The following ZNF514 variants were observed in gnomAD, a reference collection of about 807,000 sequenced individuals.
The protein encoded by ZNF514 is zinc finger protein 514.
A neutral mutation model predicts 9.7 loss-of-function variants in ZNF514; 12 were observed. The observed-to-expected ratio is 1.24, with a 90% CI of 0.79 to 2.01. The LOEUF (loss-of-function observed/expected upper bound fraction) is 2.01. Among genes scored for constraint, ZNF514 ranks in the 30% most tolerant of loss-of-function variants. The pLI, the probability that ZNF514 is intolerant of heterozygous loss-of-function variation, is 0.00. For synonymous variants in ZNF514, 158 were observed against 163.7 expected, an observed-to-expected ratio of 0.97 and a Z score of 0.27; for missense variants, 467 against 465.5, an observed-to-expected ratio of 1.00 and a Z score of -0.03.
At chr2:95,156,337 C>T (rs956107904) in intron 2 of ZNF514, among the ~76,000 whole-genome samples, 6 of 152,176 alleles carry the variant, frequency 3.9e-5, no homozygotes, top group African/African-American at 1.4e-4. Context: ...TCCCTGATGC[C>T]AACAAGGATT....
At position 95,146,016 on chromosome 2, in the gene ZNF514, T is replaced by C. The variant is rs1278415707; in HGVS notation, c.*3266A>G. Among the ~76,000 whole-genome samples, 2 of 152,212 alleles carry C rather than the reference T, an allele frequency of 1.3e-5. No homozygotes were observed. Among genetic ancestry groups the C allele is most frequent in the Non-Finnish European group, 2.9e-5 (2 of 68,030 alleles). The stretch of plus-strand genomic sequence containing the variant: ...AGACTTGTTTCTTATCAGACTTAAA[T>C]CTATTTTGGCGTAAAACACTTTGAT... On this transcript the variant is annotated 3_prime_UTR_variant, in exon 5 of 5. Transcript: ENST00000295208.
the ZNF514 span, among the ~76,000 whole-genome samples, chr2:95,132,474 T>G: frequency 6.6e-6 from 1 of 152,120 alleles, no homozygotes; most frequent in Non-Finnish European, 1.5e-5. Flanking sequence ...GCCAACACCA[T>G]AAACTGATGA....
chr2:95,125,611 A>G, the ZNF514 span, among the ~76,000 whole-genome samples: 1 of 152,208 alleles, frequency 6.6e-6, no homozygotes, highest in Non-Finnish European at 1.5e-5. Context: ...CATCACCACC[A>G]TCTATCCACA....
chr2:95,149,491 T>C lies in ZNF514; in HGVS notation c.994A>G (p.Ile332Val). 6.2e-7 allele frequency: 1 copy of C among 1,613,994 alleles called. No homozygotes were observed. The highest frequency in any genetic ancestry group is 8.5e-7 in the Non-Finnish European group (1 of 1,179,970). The change falls in exon 5 of 5, where the codon ATT becomes GTT. Residue 332 changes from isoleucine to valine, a missense_variant. Transcript: ENST00000295208. ...GRTFSQSSSL[I>V]VHYRFHTGEK... Reference sequence around the variant, plus strand: ...CCAGTATGAAATCTGTAATGCACAATGAGTGATGAGCTCTGGCTGAAGGTT... The same window carrying C: ...CCAGTATGAAATCTGTAATGCACAACGAGTGATGAGCTCTGGCTGAAGGTT...
chr2:95,146,105 G>A lies in ZNF514; in HGVS notation c.*3177C>T, dbSNP rs1673351717. ...AGAGTCTGTTTTTGTTAGTCTTAAG[G>A]TCTCTGTTTTAAGGCAAATGCTGGT... is the stretch of plus-strand genomic sequence containing the variant. On this transcript the variant is annotated 3_prime_UTR_variant, in exon 5 of 5. Coordinates refer to ENST00000295208, the MANE Select transcript of ZNF514 (RefSeq NM_032788.3). 6.6e-6 allele frequency among the ~76,000 whole-genome samples: 1 copy of A among 152,152 alleles called. No homozygotes were observed. Among genetic ancestry groups the A allele is most frequent in the South Asian group, 2.1e-4 (1 of 4,828 alleles).
At position 95,159,562 on chromosome 2, in the gene ZNF514, G is replaced by A. The variant is rs868329954; in HGVS notation, c.-418C>T. ...CCCAGTACAGGTCTGCGCGCCCGCA[G>A]TCTCCGAACGCTCACAGGACCAGGC... On this transcript the variant is annotated 5_prime_UTR_variant, in exon 1 of 5. Transcript: ENST00000295208. 20 of 151,648 alleles carry A rather than the reference G, an allele frequency of 1.3e-4. No individual in the cohort carries two copies. In the East Asian group the frequency reaches 2.2e-3, roughly 16 times the overall value. 9.4% of individuals were successfully genotyped at this position (151,648 alleles called of 1,614,324 possible).
chr2:95,133,059 A>C, the ZNF514 span, among the ~76,000 whole-genome samples: 2 of 152,162 alleles, frequency 1.3e-5, no homozygotes, highest in African/African-American at 4.8e-5. Flanking sequence ...CAATGGGTGA[A>C]TGGTTAAACG....
intron 2 of ZNF514, chr2:95,155,175 T>A (rs952974679): frequency 2.0e-5 from 3 of 152,222 alleles, no homozygotes; most frequent in African/African-American, 7.2e-5. Flanking sequence ...AAAAGCTGCT[T>A]TGCCCCCAAG....
intron 4 of ZNF514, among the ~76,000 whole-genome samples, chr2:95,151,318 C>T (rs1005252090): frequency 3.3e-5 from 5 of 152,122 alleles, no homozygotes; most frequent in Non-Finnish European, 7.3e-5. Context: ...TGAAGATGGA[C>T]GAGGGGCACT....
At chr2:95,150,388 G>A (rs1673505633) in intron 4 of ZNF514, 121 bp from the exon 5 acceptor site, 5 of 1,132,944 alleles carry the variant, frequency 4.4e-6, no homozygotes, top group Non-Finnish European at 4.8e-6. Context: ...CACCTAAAAG[G>A]GACGTACAGA....
At chr2:95,138,603 TA>T in the ZNF514 span, among the ~76,000 whole-genome samples, 1 of 152,210 alleles carries the variant, frequency 6.6e-6, no homozygotes, top group Non-Finnish European at 1.5e-5. Context: ...TTGCTTCTAA[TA>T]ACCTACGCTC....
chr2:95,138,826 G>GA, the ZNF514 span, among the ~76,000 whole-genome samples: 1 of 152,186 alleles, frequency 6.6e-6, no homozygotes, highest in African/African-American at 2.4e-5. Context: ...AAGACAATGG[G>GA]AAAAAAGCCT....
intron 1 of ZNF514, among the ~76,000 whole-genome samples, chr2:95,158,607 C>G (rs1191840991): frequency 6.6e-6 from 1 of 152,206 alleles, no homozygotes; most frequent in African/African-American, 2.4e-5. Context: ...CCAAATGGCC[C>G]TATCGTCCTC....
At position 95,146,740 on chromosome 2, in the gene ZNF514, G is replaced by C. The variant is rs542296203; in HGVS notation, c.*2542C>G. Among the ~76,000 whole-genome samples the C allele has an allele frequency of 1.3e-5, 2 of 151,700 alleles. No individual in the cohort carries two copies. The highest frequency in any genetic ancestry group is 1.3e-4 in the Admixed American group (2 of 15,190). On this transcript the variant is annotated 3_prime_UTR_variant, in exon 5 of 5. Coordinates refer to ENST00000295208, the MANE Select transcript of ZNF514 (RefSeq NM_032788.3). ...TGAGAAGAGGAGACAGATTTTGGAC[G>C]AAGACCAGTTACAAAATTGTGACAG...
Position 95,159,728 on chromosome 2 carries a change from CCCCCGCGTCCGCCCCGCGCCAG to C in ZNF514, c.-606_-585del, listed in dbSNP as rs1316777559. ...AGCCCCCGCGTCCGCCCCGCGCCAG[CCCCCGCGTCCGCCCCGCGCCAG>C]CCCCGCCTCCCGAGGCCGTCCCGAG... On this transcript the variant is annotated 5_prime_UTR_variant, in exon 1 of 5. Coordinates refer to ENST00000295208, the MANE Select transcript of ZNF514 (RefSeq NM_032788.3). The C allele has an allele frequency of 0.019, 2,652 of 140,348 alleles. 78 individuals are homozygous for C. Among genetic ancestry groups the C allele is most frequent in the South Asian group, 0.024 (119 of 5,012 alleles). 8.7% of individuals were successfully genotyped at this position (140,348 alleles called of 1,614,324 possible). A position where few individuals can be genotyped will look rare whatever the true frequency, so the allele number is the denominator to read the frequency against.
chr2:95,146,783 G>T lies in ZNF514; in HGVS notation c.*2499C>A, dbSNP rs1673371245. On this transcript the variant is annotated 3_prime_UTR_variant, in exon 5 of 5. Coordinates refer to ENST00000295208, the MANE Select transcript of ZNF514 (RefSeq NM_032788.3). ...TGTGACAGATGTCTAGGTATAAAGT[G>T]ATCTGGGTAGGTACAGAAAAGGGCA... 6.6e-6 allele frequency among the ~76,000 whole-genome samples: 1 copy of T among 151,882 alleles called. No individual in the cohort carries two copies. Among genetic ancestry groups the T allele is most frequent in the Non-Finnish European group, 1.5e-5 (1 of 67,990 alleles).
chr2:95,130,928 A>G, the ZNF514 span, among the ~76,000 whole-genome samples: 1 of 152,220 alleles, frequency 6.6e-6, no homozygotes, highest in East Asian at 1.9e-4. Context: ...TGTCCATGAA[A>G]TCTTTATAAT....
chr2:95,142,863 A>C (rs1428627121), downstream of ZNF514, among the ~76,000 whole-genome samples: 2 of 152,246 alleles, frequency 1.3e-5, no homozygotes, highest in Non-Finnish European at 2.9e-5. Flanking sequence ...CCTCTTCCCT[A>C]GATGGAATAC....
the ZNF514 span, among the ~76,000 whole-genome samples, chr2:95,134,503 T>A: frequency 2.0e-5 from 3 of 152,184 alleles, no homozygotes; most frequent in African/African-American, 7.2e-5. Flanking sequence ...ATTCACTCAT[T>A]TAATGTGTAA....
Sources: allele counts gnomAD v4.1 joint callset (sites outside exome capture counted in the v4.1 genomes callset), GRCh38; gene constraint gnomAD v4.1.1; transcripts MANE v1.5; gene names NCBI Gene and HGNC (gene_info 2026-07-23, HGNC 2026-07-21).